Variants in ZMYM2 observed in about 807,000 individuals in gnomAD.
The protein encoded by ZMYM2 is zinc finger MYM-type protein 2.
A neutral mutation model predicts 162.8 loss-of-function variants in ZMYM2; 56 were observed. The observed-to-expected ratio is 0.34, with a 90% CI of 0.28 to 0.43. ZMYM2 has a LOEUF of 0.43. Ranked by LOEUF, ZMYM2 falls within the 20% of genes least tolerant of loss-of-function variation. ZMYM2 has a pLI of 1.00. For synonymous variants in ZMYM2, 510 were observed against 541.6 expected (o/e 0.94, Z 0.81); for missense variants, 1,275 against 1,621.8 (o/e 0.79, Z 3.67).
chr13:20,063,403 TAAAAAAA>T (rs774452570), intron 18 of ZMYM2, among the ~76,000 whole-genome samples: 3 of 121,202 alleles, frequency 2.5e-5, no homozygotes, highest in Admixed American at 8.4e-5. Context: ...ACCCTGTCTT[TAAAAAAA>T]AAAAAAAAAA....
At chr13:20,073,753 C>G (rs921084401) in intron 21 of ZMYM2, among the ~76,000 whole-genome samples, 2 of 152,140 alleles carry the variant, frequency 1.3e-5, no homozygotes, top group African/African-American at 2.4e-5. Flanking sequence ...ATAATTAGGA[C>G]TTCAATACCG....
the ZMYM2 span, among the ~76,000 whole-genome samples, chr13:19,931,012 G>A: frequency 7.3e-5 from 11 of 151,516 alleles, no homozygotes; most frequent in Admixed American, 2.0e-4. Flanking sequence ...GGTGGCGGGC[G>A]CCTGTAGTCC....
chr13:20,085,126 G>T (rs760476014), intron 24 of ZMYM2, among the ~76,000 whole-genome samples: 3 of 152,088 alleles, frequency 2.0e-5, no homozygotes, highest in Non-Finnish European at 2.9e-5. Context: ...TTCCCCTTGG[G>T]GTTGCTGAAT....
At chr13:20,082,384 C>G (rs1031637169) in intron 22 of ZMYM2, among the ~76,000 whole-genome samples, 2 of 152,116 alleles carry the variant, frequency 1.3e-5, no homozygotes, top group Non-Finnish European at 2.9e-5. Context: ...ATGTCTTAAG[C>G]CTTCCAGTGG....
At chr13:20,085,157 G>A (rs1475433778) in intron 24 of ZMYM2, among the ~76,000 whole-genome samples, 1 of 152,168 alleles carries the variant, frequency 6.6e-6, no homozygotes, top group East Asian at 1.9e-4. Context: ...TTATGTGCCT[G>A]TGTTTTGGGC....
At chr13:19,924,106 C>A in the ZMYM2 span, among the ~76,000 whole-genome samples, 1 of 152,062 alleles carries the variant, frequency 6.6e-6, no homozygotes, top group East Asian at 1.9e-4. Context: ...TTTATATTGT[C>A]GTATAGCAGA....
chr13:19,948,463 G>A, the ZMYM2 span, among the ~76,000 whole-genome samples: 491 of 152,224 alleles, frequency 3.2e-3, no homozygotes, highest in Admixed American at 6.2e-3. Flanking sequence ...AGGACACGGA[G>A]GAAACTTAAA....
intron 12 of ZMYM2, among the ~76,000 whole-genome samples, chr13:20,047,354 C>A (rs1267680771): frequency 2.6e-5 from 4 of 152,278 alleles, no homozygotes; most frequent in Non-Finnish European, 2.9e-5. Flanking sequence ...GGGGTCCCCC[C>A]CTTTTATGGT....
chr13:19,998,912 C>G (rs976467288), intron 3 of ZMYM2, among the ~76,000 whole-genome samples: 3 of 151,854 alleles, frequency 2.0e-5, no homozygotes, highest in Non-Finnish European at 4.4e-5. Flanking sequence ...TACGGAGAAA[C>G]TAGAAAGGAA....
chr13:19,997,198 A>G (rs906519709), intron 3 of ZMYM2, among the ~76,000 whole-genome samples: 1 of 152,142 alleles, frequency 6.6e-6, no homozygotes, highest in South Asian at 2.1e-4. Context: ...TTAACTATTT[A>G]TATAAGTTTT....
At chr13:19,972,677 A>G (rs978788290) in intron 2 of ZMYM2, among the ~76,000 whole-genome samples, 4 of 152,030 alleles carry the variant, frequency 2.6e-5, no homozygotes, top group African/African-American at 9.7e-5. Flanking sequence ...AGTGTTTTCT[A>G]TAGGGAAGAT....
At chr13:19,927,249 C>A in the ZMYM2 span, among the ~76,000 whole-genome samples, 1 of 152,232 alleles carries the variant, frequency 6.6e-6, no homozygotes, top group East Asian at 1.9e-4. Context: ...AGATCTAGAC[C>A]ATTGCCGATA....
the ZMYM2 span, among the ~76,000 whole-genome samples, chr13:19,878,410 G>C: frequency 6.6e-6 from 1 of 151,630 alleles, no homozygotes; most frequent in Admixed American, 6.6e-5. Context: ...TCCAATTGTG[G>C]TTCTGATTTG....
Position 20,035,383 on chromosome 13 carries a change from T to A in ZMYM2, c.2119+979T>A, listed in dbSNP as rs112059650. Among the ~76,000 whole-genome samples the A allele has an allele frequency of 4.7e-4, 72 of 152,360 alleles. 1 individual carries two copies. The highest frequency in any genetic ancestry group is 1.7e-3 in the African/African-American group (71 of 41,590). Reference sequence around the variant, plus strand: ...GCATTCCTATTTAAATTTAATTTTGTACATTTCACCTGGAATGGAAAGTAA... The same window carrying A: ...GCATTCCTATTTAAATTTAATTTTGAACATTTCACCTGGAATGGAAAGTAA... On this transcript the variant is annotated intron_variant, in intron 11 of 24. Transcript: ENST00000610343.
At chr13:19,865,829 T>C in the ZMYM2 span, among the ~76,000 whole-genome samples, 1 of 152,232 alleles carries the variant, frequency 6.6e-6, no homozygotes, top group African/African-American at 2.4e-5. Context: ...GTCTTCATTG[T>C]TCAACAAGAT....
At chr13:19,911,126 G>A in the ZMYM2 span, among the ~76,000 whole-genome samples, 3 of 148,048 alleles carry the variant, frequency 2.0e-5, no homozygotes, top group African/African-American at 7.6e-5. Context: ...GTGGGATCTC[G>A]GCTCACTGCA....
chr13:19,883,459 A>G, the ZMYM2 span, among the ~76,000 whole-genome samples: 1 of 152,188 alleles, frequency 6.6e-6, no homozygotes, highest in Non-Finnish European at 1.5e-5. Flanking sequence ...AAACTTCGGG[A>G]TATCTGACAG....
At chr13:20,002,177 T>G (rs147637448) in intron 3 of ZMYM2, among the ~76,000 whole-genome samples, 1 of 152,228 alleles carries the variant, frequency 6.6e-6, no homozygotes, top group East Asian at 1.9e-4. Context: ...TTATAAACTT[T>G]ATTAGACTTG....
intron 2 of ZMYM2, among the ~76,000 whole-genome samples, chr13:19,966,599 G>A (rs1383581089): frequency 6.6e-6 from 1 of 151,690 alleles, no homozygotes; most frequent in Non-Finnish European, 1.5e-5. Flanking sequence ...GTGCCACCAC[G>A]CCGGGCTGAT....
Sources: allele counts gnomAD v4.1 joint callset (sites outside exome capture counted in the v4.1 genomes callset), GRCh38; gene constraint gnomAD v4.1.1; transcripts MANE v1.5; gene names NCBI Gene and HGNC (gene_info 2026-07-23, HGNC 2026-07-21).